CPE: variants seen among roughly 807,000 people sequenced by gnomAD.
CPE encodes the protein carboxypeptidase E.
In CPE, 17 loss-of-function variants were observed where a neutral mutation model predicts 53.5. The ratio of observed to expected loss-of-function variants is 0.32; its 90% confidence interval spans 0.22 to 0.48. CPE has a LOEUF of 0.48. Ranked by LOEUF, CPE falls within the 20% of genes least tolerant of loss-of-function variation. CPE has a pLI of 0.99. For synonymous variants in CPE, 226 were observed against 228.8 expected, an observed-to-expected ratio of 0.99 and a Z score of 0.11; for missense variants, 524 against 614.7, an observed-to-expected ratio of 0.85 and a Z score of 1.56.
chr4:165,475,924 A>G (rs1056926647), intron 3 of CPE, among the ~76,000 whole-genome samples: 2 of 152,142 alleles, frequency 1.3e-5, no homozygotes, highest in African/African-American at 4.8e-5. Context: ...GAGCAAAAAG[A>G]GAGAAGGAAA....
At chr4:165,409,507 C>T (rs998908928) in intron 1 of CPE, among the ~76,000 whole-genome samples, 14 of 152,112 alleles carry the variant, frequency 9.2e-5, no homozygotes, top group African/African-American at 2.7e-4. Flanking sequence ...CCATTCTCCA[C>T]TCATGCTTAT....
chr4:165,399,772 C>A (rs1730836831), intron 1 of CPE, among the ~76,000 whole-genome samples: 1 of 152,022 alleles, frequency 6.6e-6, no homozygotes, highest in Non-Finnish European at 1.5e-5. Context: ...AAGAGTAATA[C>A]AAAGCGAAGT....
chr4:165,487,638 T>G lies in CPE; in HGVS notation c.1113+61T>G, dbSNP rs186064642. On this transcript the variant is annotated intron_variant, in intron 6 of 8. Transcript: ENST00000402744. ...ACAAGCATTCAAACCTGTCCTACAA[T>G]GGTCTTGTAAGAGGAGTCCAGGAGA... 7.1e-4 allele frequency: 1,127 copies of G among 1,584,998 alleles called. 7 individuals carry two copies. In the African/African-American group the frequency reaches 0.013, roughly 19 times the overall value.
intron 1 of CPE, among the ~76,000 whole-genome samples, chr4:165,403,631 G>A (rs1730904951): frequency 6.6e-6 from 1 of 150,424 alleles, no homozygotes; most frequent in Non-Finnish European, 1.5e-5. Flanking sequence ...AAAAGAGGAT[G>A]TTGAAAGCCT....
intron 1 of CPE, chr4:165,406,381 T>G (rs953899611): frequency 4.8e-6 from 2 of 420,384 alleles, no homozygotes; most frequent in Non-Finnish European, 4.7e-6. Flanking sequence ...TGGAGAGCGC[T>G]TCTCTTTAAT....
chr4:165,399,261 A>G (rs745609439), intron 1 of CPE, among the ~76,000 whole-genome samples: 6 of 152,352 alleles, frequency 3.9e-5, no homozygotes, highest in Non-Finnish European at 8.8e-5. Context: ...GATAAAAATA[A>G]TGGATTTTCA....
chr4:165,437,034 G>T lies in CPE; in HGVS notation c.308-27356G>T, dbSNP rs146299468. Among the ~76,000 whole-genome samples, 883 of 152,336 alleles carry T rather than the reference G, an allele frequency of 5.8e-3. 5 individuals are homozygous for T. The highest frequency in any genetic ancestry group is 0.02 in the African/African-American group (845 of 41,578). On this transcript the variant is annotated intron_variant, in intron 1 of 8. Coordinates refer to ENST00000402744, the MANE Select transcript of CPE (RefSeq NM_001873.4). ...CTTATATATCCTTCTTCATAGGGAA[G>T]TGTGAAAGTGAGATCCTGGGGAACT...
At chr4:165,380,632 G>A (rs914381846) in intron 1 of CPE, among the ~76,000 whole-genome samples, 1 of 151,936 alleles carries the variant, frequency 6.6e-6, no homozygotes, top group Non-Finnish European at 1.5e-5. Context: ...CTCAGTGCAG[G>A]GCCAGTATAG....
Position 165,483,138 on chromosome 4 carries a change from A to G in CPE, c.790+779A>G, listed in dbSNP as rs9990902. ...CTCAATAGGTAATTTTTCACCCCTC[A>G]CCTCCTCCCATCCTCCCCGCTTTTG... On this transcript the variant is annotated intron_variant, in intron 4 of 8. Transcript: ENST00000402744. 7.7e-3 allele frequency among the ~76,000 whole-genome samples: 1,162 copies of G among 151,462 alleles called. 17 individuals carry two copies. Among genetic ancestry groups the G allele is most frequent in the African/African-American group, 0.027 (1,116 of 41,262 alleles).
Position 165,384,107 on chromosome 4 carries a change from A to G in CPE, c.307+4579A>G, listed in dbSNP as rs373268969. On this transcript the variant is annotated intron_variant, in intron 1 of 8. Coordinates refer to ENST00000402744, the MANE Select transcript of CPE (RefSeq NM_001873.4). ...CCGTCTTACCACGGGGCGAAATCCT[A>G]TTTCTAAATATTATTAAGAAATACA... Among the ~76,000 whole-genome samples, 15 of 152,346 alleles carry G rather than the reference A, an allele frequency of 9.8e-5. No individual in the cohort carries two copies. In the South Asian group the frequency reaches 1.9e-3, roughly 19 times the overall value.
Position 165,429,943 on chromosome 4 carries a change from A to G in CPE, c.308-34447A>G, listed in dbSNP as rs957991871. ...TAATCCCTAAGGAAATCATAACCTC[A>G]TTTGGCATGAGGCCAGCCCTAATCA... On this transcript the variant is annotated intron_variant, in intron 1 of 8. Transcript: ENST00000402744. Among the ~76,000 whole-genome samples the G allele has an allele frequency of 2.0e-5, 3 of 152,136 alleles. 1 individual carries two copies. The highest frequency in any genetic ancestry group is 6.6e-5 in the Admixed American group (1 of 15,260).
intron 4 of CPE, among the ~76,000 whole-genome samples, chr4:165,483,139 C>T (rs894397620): frequency 6.6e-6 from 1 of 152,002 alleles, no homozygotes; most frequent in Non-Finnish European, 1.5e-5. Flanking sequence ...TCACCCCTCA[C>T]CTCCTCCCAT....
chr4:165,415,300 A>G (rs1470267155), intron 1 of CPE: 1 of 167,070 alleles, frequency 6.0e-6, no homozygotes, highest in East Asian at 1.9e-4. Flanking sequence ...CTGGAGAGCT[A>G]TTGTGTCAGA....
intron 1 of CPE, among the ~76,000 whole-genome samples, chr4:165,390,385 C>A (rs975701069): frequency 6.6e-6 from 1 of 152,194 alleles, no homozygotes; most frequent in Admixed American, 6.5e-5. Flanking sequence ...ATGGGTCAGA[C>A]TCAGTACTTA....
chr4:165,417,557 A>ATT (rs59056653), intron 1 of CPE, among the ~76,000 whole-genome samples: 2 of 149,802 alleles, frequency 1.3e-5, no homozygotes, highest in Non-Finnish European at 3.0e-5. Context: ...TATTGGCAGT[A>ATT]TTTTTTTTTT....
intron 1 of CPE, among the ~76,000 whole-genome samples, chr4:165,458,956 A>G (rs1209240118): frequency 6.6e-6 from 1 of 152,228 alleles, no homozygotes; most frequent in East Asian, 1.9e-4. Context: ...TGCTCACCCT[A>G]CTGACATGTG....
At chr4:165,449,249 A>G (rs1465500559) in intron 1 of CPE, among the ~76,000 whole-genome samples, 1 of 152,240 alleles carries the variant, frequency 6.6e-6, no homozygotes, top group African/African-American at 2.4e-5. Context: ...TAATGCCTGC[A>G]TTTATACCAT....
chr4:165,382,322 T>C (rs534446824), intron 1 of CPE, among the ~76,000 whole-genome samples: 1 of 152,248 alleles, frequency 6.6e-6, no homozygotes, highest in African/African-American at 2.4e-5. Flanking sequence ...TAGATATCTG[T>C]CTTCACTAGG....
At chr4:165,449,228 T>C (rs1731769146) in intron 1 of CPE, among the ~76,000 whole-genome samples, 1 of 152,208 alleles carries the variant, frequency 6.6e-6, no homozygotes. Context: ...TGATTACCAA[T>C]GTCATAATGC....
Sources: gnomAD v4.1 joint callset for allele counts (sites outside exome capture counted in the v4.1 genomes callset) on GRCh38, gnomAD v4.1.1 for gene constraint, MANE v1.5 for transcripts, NCBI Gene and HGNC (gene_info 2026-07-23, HGNC 2026-07-21) for gene names.